The following PAPLN variants were observed in gnomAD, a reference collection of about 807,000 sequenced individuals.
The protein encoded by PAPLN is papilin, proteoglycan like sulfated glycoprotein, also known as papilin.
In PAPLN, 146 loss-of-function variants were observed where a neutral mutation model predicts 159.0. The ratio of observed to expected loss-of-function variants is 0.92; its 90% confidence interval spans 0.80 to 1.05. The LOEUF (loss-of-function observed/expected upper bound fraction) is 1.05. Ranked by LOEUF, PAPLN falls within the 50% of genes least tolerant of loss-of-function variation. The pLI is 0.00. For synonymous variants in PAPLN, 734 were observed against 702.9 expected (o/e 1.04, Z -0.70); for missense variants, 1,720 against 1,743.9 (o/e 0.99, Z 0.24).
intron 5 of PAPLN, among the ~76,000 whole-genome samples, chr14:73,248,023 TGTGTGTTGGGATTGTG>T (rs1449213532): frequency 7.9e-5 from 7 of 88,396 alleles, no homozygotes; most frequent in Non-Finnish European, 1.3e-4. Flanking sequence ...TGTGTGTGTG[TGTGTGTTGGGATTGTG>T]GCTGTGGGTG....
chr14:73,242,494 C>A (rs1258817747), intron 2 of PAPLN, among the ~76,000 whole-genome samples: 4 of 152,198 alleles, frequency 2.6e-5, no homozygotes, highest in Admixed American at 2.6e-4. Flanking sequence ...GCAGCCACCC[C>A]TGAAGACCTC....
chr14:73,253,617 T>C, intron 11 of PAPLN, 137 bp from the exon 12 acceptor site: 1 of 813,454 alleles, frequency 1.2e-6, no homozygotes, highest in Non-Finnish European at 1.9e-6. Flanking sequence ...TCGTAGCCTT[T>C]GTTCAGGCTG....
In PAPLN at chr14:73,261,177, C is replaced by T. The variant is rs769905567; in HGVS notation, c.2128C>T (p.Gln710Ter). ...CCAGGTCCACAACACCCACCAGCCCCAGGCCCAGCAGAATGAGCCCAGTGA... is the reference window on the plus strand; with the variant it reads ...CCAGGTCCACAACACCCACCAGCCCTAGGCCCAGCAGAATGAGCCCAGTGA... The part of the protein sequence containing the change: ...ASTVHNTHQP[Q>*]AQQNEPSECR... The change falls in exon 18 of 27, where the codon CAG (glutamine) becomes TAG (stop). Residue 710 changes from glutamine (Q) to a stop codon, truncating the protein, a stop_gained. Transcript: ENST00000644200. LOFTEE classifies it high-confidence loss of function. 4 of 1,614,040 alleles carry T rather than the reference C, an allele frequency of 2.5e-6. No homozygotes were observed. Among genetic ancestry groups the T allele is most frequent in the Admixed American group, 3.3e-5 (2 of 60,010 alleles).
chr14:73,245,691 A>G lies in PAPLN; in HGVS notation c.226A>G (p.Thr76Ala), dbSNP rs1275804076. 1 of 1,549,534 alleles carries G rather than the reference A, an allele frequency of 6.5e-7. No individual in the cohort carries two copies. The highest frequency in any genetic ancestry group is 8.7e-7 in the Non-Finnish European group (1 of 1,150,514). The change falls in exon 4 of 27, where the codon ACG becomes GCG. Residue 76 changes from threonine (T) to alanine (A), a missense_variant. Physicochemically the swap from Thr to Ala is moderately conservative, Grantham distance 58 (BLOSUM62 0). Transcript: ENST00000644200. This position sits in a 1 kb window ranked among gnomAD's most constrained non-coding sequence, Gnocchi z 4.2. ...CGCCCGGAGCCACCGCTCTTGTCGC[A>G]CGGAGGTAAAGCTCACGGGGCGCGG... ...GPARSHRSCR[T>A]ESCPDGARDF...
Position 73,264,305 on chromosome 14 carries a change from G to T in PAPLN, c.2956G>T (p.Asp986Tyr). The T allele has an allele frequency of 6.2e-7, 1 of 1,613,920 alleles. No individual in the cohort carries two copies. The highest frequency in any genetic ancestry group is 1.1e-5 in the South Asian group (1 of 91,062). ...CTGTGGCAGCACCCGGCCAGGCCGC[G>T]ACTCCCAGAAGATCCAACTTCGCAT... ...YSCGSTRPGRDSQKIQLRIIG... is the reference protein window; with the variant it reads ...YSCGSTRPGRYSQKIQLRIIG... Residue 986 changes from aspartate (D) to tyrosine (Y), a missense_variant, in exon 21 of 27, where the codon GAC (aspartate) becomes TAC (tyrosine). By Grantham distance (160) the Asp-to-Tyr change is radical. Transcript: ENST00000644200.
chr14:73,257,371 C>T (rs1886028814), intron 14 of PAPLN, among the ~76,000 whole-genome samples: 1 of 151,564 alleles, frequency 6.6e-6, no homozygotes, highest in South Asian at 2.1e-4. Context: ...ACCCTGCCTC[C>T]CAAGCACTCA....
At position 73,265,889 on chromosome 14, in the gene PAPLN, TC is replaced by T. The variant is rs1031979291; in HGVS notation, c.3263+388del. ...AAGCCATATTGAGCAGGTGCTGTTT[TC>T]CCCCCATTTTACACACAGAAGCTTA... On this transcript the variant is annotated intron_variant, in intron 23 of 26. Transcript: ENST00000644200. The surrounding 1 kb of genome is among the most constrained non-coding windows in gnomAD (Gnocchi z 4.1). Among the ~76,000 whole-genome samples, 1 of 152,066 alleles carries T rather than the reference TC, an allele frequency of 6.6e-6. No homozygotes were observed. Among genetic ancestry groups the T allele is most frequent in the African/African-American group, 2.4e-5 (1 of 41,396 alleles).
In PAPLN at chr14:73,265,397, G is replaced by A; in HGVS notation, c.3153G>A (p.Arg1051=). ...NRLRLDQNQP[R]VVDASPGQRI... ...TGCGTTTGGACCAGAACCAGCCCCG[G>A]GTGGTGGATGCCAGTCCAGGCCAGC... Residue 1051 remains arginine (R), a synonymous_variant, in exon 23 of 27, where the codon CGG becomes CGA. Transcript: ENST00000644200. The surrounding 1 kb of genome is among the most constrained non-coding windows in gnomAD (Gnocchi z 4.1). 1 of 1,611,642 alleles carries A rather than the reference G, an allele frequency of 6.2e-7. No homozygotes were observed. Among genetic ancestry groups the A allele is most frequent in the Non-Finnish European group, 8.5e-7 (1 of 1,179,996 alleles).
At position 73,271,088 on chromosome 14, in the gene PAPLN, CAG is replaced by C. The variant is rs143668296; in HGVS notation, c.3668-1404_3668-1403del. Among the ~76,000 whole-genome samples the C allele has an allele frequency of 3.3e-3, 496 of 152,230 alleles. 2 individuals carry two copies. Among genetic ancestry groups the C allele is most frequent in the African/African-American group, 0.012 (480 of 41,522 alleles). On this transcript the variant is annotated intron_variant, in intron 26 of 26. Transcript: ENST00000644200. ...GCATAAAGGGCTTAAGCAACTTGCC[CAG>C]AGTTACCCAGCTGGCAAGTGGCAGA...
At chr14:73,239,303 A>T (rs925504475) in intron 1 of PAPLN, among the ~76,000 whole-genome samples, 1 of 152,246 alleles carries the variant, frequency 6.6e-6, no homozygotes, top group African/African-American at 2.4e-5. Flanking sequence ...TAAATGGGCT[A>T]CAATTAACAC....
At chr14:73,235,972 G>A (rs1367533897), upstream of PAPLN, among the ~76,000 whole-genome samples, 3 of 152,354 alleles carry the variant, frequency 2.0e-5, no homozygotes, top group East Asian at 1.9e-4. Context: ...TGAGCTTCCC[G>A]CTGGTGACTT....
chr14:73,266,334 C>CA (rs1260221774), intron 23 of PAPLN, among the ~76,000 whole-genome samples, 167 bp from the exon 24 acceptor site: 6 of 152,162 alleles, frequency 3.9e-5, no homozygotes, highest in Admixed American at 2.0e-4. Context: ...AGTCTGAGGC[C>CA]AAATGGTCCT....
chr14:73,267,988 G>A (rs762118301), intron 25 of PAPLN, among the ~76,000 whole-genome samples: 24 of 151,906 alleles, frequency 1.6e-4, no homozygotes, highest in Admixed American at 1.0e-3. Flanking sequence ...GTCAGCCCCT[G>A]TTCCAGGACA....
chr14:73,262,254 G>A (rs1392932392), intron 18 of PAPLN, 96 bp from the exon 19 acceptor site: 3 of 1,233,002 alleles, frequency 2.4e-6, no homozygotes, highest in Non-Finnish European at 3.4e-6. Flanking sequence ...TATAAGTGGG[G>A]AAGGGCCTGC....
chr14:73,258,931 C>A (rs1055655522), intron 14 of PAPLN, 48 bp from the exon 15 acceptor site: 2 of 1,536,134 alleles, frequency 1.3e-6, no homozygotes, highest in Non-Finnish European at 1.8e-6. Context: ...CAGGTCCATC[C>A]TCTCTTCCTC....
intron 14 of PAPLN, among the ~76,000 whole-genome samples, chr14:73,257,579 C>A (rs1330371262): frequency 6.6e-6 from 1 of 151,974 alleles, no homozygotes; most frequent in Non-Finnish European, 1.5e-5. Flanking sequence ...AAAAACCACC[C>A]ATTCTAATGG....
chr14:73,265,369 G>T lies in PAPLN; in HGVS notation c.3126-1G>T. On this transcript the variant is annotated splice_acceptor_variant, in intron 22 of 26. Transcript: ENST00000644200. LOFTEE classifies it high-confidence loss of function. The surrounding 1 kb of genome is among the most constrained non-coding windows in gnomAD (Gnocchi z 4.1). The stretch of plus-strand genomic sequence containing the variant: ...CATGCTGTGGGCTGCTTGTTTGGCA[G>T]GCTGCGTTTGGACCAGAACCAGCCC... 1 of 1,608,466 alleles carries T rather than the reference G, an allele frequency of 6.2e-7. No individual in the cohort carries two copies.
At chr14:73,256,347 A>T (rs1885902606) in intron 14 of PAPLN, among the ~76,000 whole-genome samples, 1 of 151,966 alleles carries the variant, frequency 6.6e-6, no homozygotes, top group Non-Finnish European at 1.5e-5. Context: ...CCTGGCCAAC[A>T]TTGTGAAATC....
intron 5 of PAPLN, 40 bp downstream of exon 5, chr14:73,246,215 A>G (rs767226715): frequency 2.7e-6 from 4 of 1,486,812 alleles, no homozygotes; most frequent in East Asian, 5.2e-5. Context: ...GGCCTCTTGT[A>G]TACCTACGTT....
Sources: allele counts gnomAD v4.1 joint callset (sites outside exome capture counted in the v4.1 genomes callset), GRCh38; gene constraint gnomAD v4.1.1; non-coding constraint Gnocchi (gnomAD v3.1); transcripts MANE v1.5; gene names NCBI Gene and HGNC (gene_info 2026-07-23, HGNC 2026-07-21).